The following LGSN variants were observed in gnomAD, a reference collection of about 807,000 sequenced individuals.
LGSN encodes lengsin, lens protein with glutamine synthetase domain.
Under a neutral mutation model 19.5 loss-of-function variants are expected in LGSN, and 21 were observed. The ratio of observed to expected loss-of-function variants is 1.07; its 90% CI spans 0.76 to 1.55. The LOEUF (loss-of-function observed/expected upper bound fraction) is 1.55, where lower values mean the gene tolerates loss of function less well. Ranked by LOEUF, LGSN falls within the 40% of genes most tolerant of loss-of-function variation. LGSN has a pLI of 0.00. For missense variants in LGSN, 673 were observed against 608.5 expected (o/e 1.11, Z -1.12); for synonymous variants, 257 against 215.6 (o/e 1.19, Z -1.68).
At chr6:63,357,673 G>A in the LGSN span, among the ~76,000 whole-genome samples, 1 of 152,154 alleles carries the variant, frequency 6.6e-6, no homozygotes, top group Non-Finnish European at 1.5e-5. Context: ...ACTTGTTGAT[G>A]GGGTTGTTTG....
At chr6:63,307,887 A>G (rs1337651330) in intron 1 of LGSN, among the ~76,000 whole-genome samples, 1 of 152,210 alleles carries the variant, frequency 6.6e-6, no homozygotes, top group Non-Finnish European at 1.5e-5. Flanking sequence ...TCTCAGAATC[A>G]TGAAGGCATA....
At chr6:63,386,212 A>C in the LGSN span, among the ~76,000 whole-genome samples, 3 of 152,076 alleles carry the variant, frequency 2.0e-5, no homozygotes, top group African/African-American at 4.8e-5. Flanking sequence ...CAAGAGAGGG[A>C]CCCCTTTGTG....
At chr6:63,463,705 A>G in the LGSN span, among the ~76,000 whole-genome samples, 2 of 152,230 alleles carry the variant, frequency 1.3e-5, no homozygotes, top group African/African-American at 4.8e-5. Flanking sequence ...GTACTCAACC[A>G]AACTAGGCTT....
the LGSN span, among the ~76,000 whole-genome samples, chr6:63,555,013 G>T: frequency 6.6e-6 from 1 of 152,162 alleles, no homozygotes; most frequent in Non-Finnish European, 1.5e-5. Flanking sequence ...ATAACATGTG[G>T]CTGATATCAG....
chr6:63,477,192 A>G, the LGSN span, among the ~76,000 whole-genome samples: 1 of 152,248 alleles, frequency 6.6e-6, no homozygotes, highest in Non-Finnish European at 1.5e-5. Flanking sequence ...AAGAAATAAT[A>G]CAAAACAAAC....
At chr6:63,287,709 CAAT>C (rs980018367) in intron 2 of LGSN, among the ~76,000 whole-genome samples, 4 of 151,494 alleles carry the variant, frequency 2.6e-5, no homozygotes, top group Non-Finnish European at 4.4e-5. Flanking sequence ...CTGTCTTAAC[CAAT>C]AATAATAATA....
chr6:63,349,010 G>T, the LGSN span, among the ~76,000 whole-genome samples: 2 of 152,150 alleles, frequency 1.3e-5, no homozygotes, highest in Non-Finnish European at 2.9e-5. Flanking sequence ...AATTGTTCCT[G>T]TAAAGTTGAA....
At chr6:63,410,376 GT>G in the LGSN span, among the ~76,000 whole-genome samples, 1 of 152,066 alleles carries the variant, frequency 6.6e-6, no homozygotes, top group East Asian at 1.9e-4. Flanking sequence ...ATAAAATTGA[GT>G]AAAGTCTTTA....
the LGSN span, among the ~76,000 whole-genome samples, chr6:63,551,435 G>A: frequency 6.6e-6 from 1 of 152,124 alleles, no homozygotes; most frequent in Admixed American, 6.5e-5. Context: ...AATTCATACT[G>A]ATTCACAAAT....
At chr6:63,548,323 T>G in the LGSN span, among the ~76,000 whole-genome samples, 1 of 152,210 alleles carries the variant, frequency 6.6e-6, no homozygotes, top group Non-Finnish European at 1.5e-5. Flanking sequence ...GTAAAGAAAA[T>G]CACAATATCT....
chr6:63,419,984 T>A, the LGSN span, among the ~76,000 whole-genome samples: 4 of 125,916 alleles, frequency 3.2e-5, no homozygotes, highest in African/African-American at 1.2e-4. Flanking sequence ...GGCAGGCGGA[T>A]AATGAGGTCA....
chr6:63,433,516 AT>A, the LGSN span, among the ~76,000 whole-genome samples: 1 of 152,194 alleles, frequency 6.6e-6, no homozygotes, highest in Non-Finnish European at 1.5e-5. Flanking sequence ...GTAACCAGTA[AT>A]CTTTCTCATT....
the LGSN span, among the ~76,000 whole-genome samples, chr6:63,345,330 C>T: frequency 1.3e-5 from 2 of 152,200 alleles, no homozygotes; most frequent in East Asian, 3.9e-4. Flanking sequence ...ATTCAATAAC[C>T]TCACATCTGT....
At chr6:63,473,999 T>C in the LGSN span, among the ~76,000 whole-genome samples, 6 of 151,192 alleles carry the variant, frequency 4.0e-5, no homozygotes, top group Non-Finnish European at 8.8e-5. Flanking sequence ...AACTCACTCA[T>C]TCATTTATAA....
At chr6:63,564,747 T>A in the LGSN span, among the ~76,000 whole-genome samples, 3 of 152,214 alleles carry the variant, frequency 2.0e-5, no homozygotes, top group African/African-American at 7.2e-5. Context: ...TTCTAAACAA[T>A]CACATGGAGA....
At chr6:63,305,789 G>C (rs955757888) in intron 1 of LGSN, among the ~76,000 whole-genome samples, 1 of 152,018 alleles carries the variant, frequency 6.6e-6, no homozygotes, top group African/African-American at 2.4e-5. Flanking sequence ...AGCCAGGTGG[G>C]GTGGCTCACG....
At chr6:63,352,449 C>T in the LGSN span, among the ~76,000 whole-genome samples, 1 of 151,984 alleles carries the variant, frequency 6.6e-6, no homozygotes, top group Admixed American at 6.6e-5. Flanking sequence ...TTGCTTGAAC[C>T]AAGAATTTCG....
chr6:63,563,621 T>A, the LGSN span, among the ~76,000 whole-genome samples: 2 of 152,228 alleles, frequency 1.3e-5, no homozygotes, highest in Non-Finnish European at 2.9e-5. Context: ...TATATAAATT[T>A]CATTGGGGCA....
At chr6:63,353,934 G>A in the LGSN span, among the ~76,000 whole-genome samples, 2 of 152,074 alleles carry the variant, frequency 1.3e-5, no homozygotes, top group East Asian at 1.9e-4. Context: ...AAGAATACTG[G>A]ATATTTATAC....
Sources: allele counts gnomAD v4.1 joint callset (sites outside exome capture counted in the v4.1 genomes callset), GRCh38; gene constraint gnomAD v4.1.1; transcripts MANE v1.5; gene names NCBI Gene and HGNC (gene_info 2026-07-23, HGNC 2026-07-21).